The following ADNP2 variants were observed in gnomAD, a reference collection of about 807,000 sequenced individuals.
ADNP2 encodes the protein ADNP homeobox 2.
In ADNP2, 8 loss-of-function variants were observed where a neutral mutation model predicts 16.4. The observed-to-expected ratio is 0.49, with a 90% CI of 0.29 to 0.88. The LOEUF is 0.88. Ranked by LOEUF, ADNP2 falls within the 40% of genes least tolerant of loss-of-function variation. The probability of loss-of-function intolerance (pLI) is 0.09; values close to 1 mark genes in which losing one functional copy is unlikely to be tolerated. For synonymous variants in ADNP2, 637 were observed against 545.8 expected (o/e 1.17, Z -2.33); for missense variants, 1,397 against 1,395.1 (o/e 1.00, Z -0.02).
intron 2 of ADNP2, among the ~76,000 whole-genome samples, chr18:80,130,859 T>A (rs1003393213): frequency 2.0e-5 from 3 of 152,124 alleles, no homozygotes; most frequent in Admixed American, 1.3e-4. Flanking sequence ...TAGTTTCTTG[T>A]GAAAAACAAT....
At position 80,140,173 on chromosome 18, in the gene ADNP2, T is replaced by C. The variant is rs1021631412; in HGVS notation, c.*1364T>C. ...GTTACTATGTGGATTTTAAAAAATATAATACTTGCATGTAATTGCTATAAT... is the reference window on the plus strand; with the variant it reads ...GTTACTATGTGGATTTTAAAAAATACAATACTTGCATGTAATTGCTATAAT... On this transcript the variant is annotated 3_prime_UTR_variant, in exon 4 of 4. Coordinates refer to ENST00000262198, the MANE Select transcript of ADNP2 (RefSeq NM_014913.4). 6.6e-6 allele frequency: 1 copy of C among 152,376 alleles called. No individual in the cohort carries two copies. The highest frequency in any genetic ancestry group is 1.9e-4 in the East Asian group (1 of 5,200). 9.4% of individuals were successfully genotyped at this position (152,376 alleles called of 1,614,324 possible). A position where few individuals can be genotyped will look rare whatever the true frequency, so the allele number is the denominator to read the frequency against.
rs144750044 is a variant in ADNP2, at chr18:80,135,213, G to A, written c.199-399G>A. 2.5e-3 allele frequency among the ~76,000 whole-genome samples: 379 copies of A among 152,280 alleles called. 2 individuals are homozygous for A. Among genetic ancestry groups the A allele is most frequent in the African/African-American group, 8.8e-3 (365 of 41,538 alleles). On this transcript the variant is annotated intron_variant, in intron 3 of 3. Transcript: ENST00000262198. ...ATCCTATATTTGTATGAATTAGCCC[G>A]TGAGCCATGAGCTAGGAGTGGTTGT... is the stretch of plus-strand genomic sequence containing the variant.
intron 1 of ADNP2, among the ~76,000 whole-genome samples, chr18:80,117,080 C>T (rs913305177): frequency 2.6e-5 from 4 of 152,166 alleles, no homozygotes; most frequent in Non-Finnish European, 5.9e-5. Context: ...CATATAAGTT[C>T]CTTATTAGAA....
At chr18:80,130,093 A>C (rs1051095628) in intron 2 of ADNP2, among the ~76,000 whole-genome samples, 4 of 151,944 alleles carry the variant, frequency 2.6e-5, no homozygotes, top group Non-Finnish European at 5.9e-5. Context: ...ACTTCTGTGG[A>C]TCTCCTGTGA....
chr18:80,137,321 G>A lies in ADNP2; in HGVS notation c.1908G>A (p.Pro636=), dbSNP rs145421964. The change falls in exon 4 of 4, where the codon CCG becomes CCA. Residue 636 remains proline, a synonymous_variant. Transcript: ENST00000262198. This position sits in a 1 kb window ranked among gnomAD's most constrained non-coding sequence, Gnocchi z 4.2. The stretch of plus-strand genomic sequence containing the variant: ...CTGGAGGCCTTGCGACTGTCGCTCC[G>A]CCCCAGATGCCCATCCAGCTCCTGC... ...VPPGGLATVA[P]PQMPIQLLPS... The A allele has an allele frequency of 8.6e-4, 1,391 of 1,613,906 alleles. 6 individuals carry two copies. The highest frequency in any genetic ancestry group is 1.2e-3 in the Middle Eastern group (7 of 6,062).
At position 80,123,820 on chromosome 18, in the gene ADNP2, C is replaced by T. The variant is rs1354395140; in HGVS notation, c.108+6170C>T. On this transcript the variant is annotated intron_variant, in intron 2 of 3. Coordinates refer to ENST00000262198, the MANE Select transcript of ADNP2 (RefSeq NM_014913.4). Reference sequence around the variant, plus strand: ...TCTCAGCTCACTGCAACCTCCACCTCCCAGGTTCAAGCCATTCTCCTGCCT... The same window carrying T: ...TCTCAGCTCACTGCAACCTCCACCTTCCAGGTTCAAGCCATTCTCCTGCCT... Among the ~76,000 whole-genome samples the T allele has an allele frequency of 2.0e-5, 3 of 151,830 alleles. No homozygotes were observed. The East Asian group carries it at 5.9e-4, about 30-fold the overall frequency.
rs71163859 is a variant in ADNP2 at position 80,120,334 on chromosome 18, C to CTT, written c.108+2698_108+2699dup. Among the ~76,000 whole-genome samples the CTT allele has an allele frequency of 9.6e-4, 137 of 143,054 alleles. 1 individual carries two copies. The highest frequency in any genetic ancestry group is 5.6e-3 in the South Asian group (25 of 4,474). 93.8% of individuals were successfully genotyped at this position (143,054 alleles called of 152,430 possible). Reference sequence around the variant, plus strand: ...CTGGCCCTGACTGGTATATTCTTTTCTTTTTTTTTTTTTTTGAGACAGGGT... The same window carrying CTT: ...CTGGCCCTGACTGGTATATTCTTTTCTTTTTTTTTTTTTTTTTGAGACAGGGT... On this transcript the variant is annotated intron_variant, in intron 2 of 3. Transcript: ENST00000262198.
chr18:80,120,533 C>T (rs1007144840), intron 2 of ADNP2, among the ~76,000 whole-genome samples: 2 of 151,984 alleles, frequency 1.3e-5, no homozygotes, highest in African/African-American at 2.4e-5. Flanking sequence ...GTCGAGGTTT[C>T]ACCATGTTGC....
chr18:80,138,184 G>C lies in ADNP2; in HGVS notation c.2771G>C (p.Gly924Ala). Reference protein sequence around the residue: ...KCIHCCGVYTGNMTLAAIAVH... With the variant: ...KCIHCCGVYTANMTLAAIAVH... ...ATCCACTGCTGTGGGGTCTACACGG[G>C]AAATATGACCCTGGCTGCCATCGCC... Residue 924 changes from glycine (G) to alanine (A), a missense_variant, in exon 4 of 4, where the codon GGA (glycine) becomes GCA (alanine). This residue lies in a region of ADNP2 where 611 missense variants were observed against 648.7 expected (regional missense o/e 0.94). Transcript: ENST00000262198. The C allele has an allele frequency of 6.2e-7, 1 of 1,614,170 alleles. No individual in the cohort carries two copies. The highest frequency in any genetic ancestry group is 8.5e-7 in the Non-Finnish European group (1 of 1,180,046).
Position 80,136,958 on chromosome 18 carries a change from C to T in ADNP2, c.1545C>T (p.Val515=). 6.2e-7 allele frequency: 1 copy of T among 1,613,840 alleles called. No homozygotes were observed. Among genetic ancestry groups the T allele is most frequent in the Non-Finnish European group, 8.5e-7 (1 of 1,179,832 alleles). The change falls in exon 4 of 4, where the codon GTC becomes GTT. Residue 515 remains valine (V), a synonymous_variant. Transcript: ENST00000262198. ...GGGTTATCTCTGCAGGCCAGGTGGT[C>T]CCGTCTGGGCTTCTTTCTCCCAACC... ...PLRVISAGQV[V]PSGLLSPNQT...
In ADNP2 at chr18:80,110,225, T is replaced by C. The variant is rs1247436071; in HGVS notation, c.-14+753T>C. 1.3e-5 allele frequency among the ~76,000 whole-genome samples: 2 copies of C among 152,242 alleles called. 1 individual carries two copies. Among genetic ancestry groups the C allele is most frequent in the Non-Finnish European group, 2.9e-5 (2 of 68,050 alleles). On this transcript the variant is annotated intron_variant, in intron 1 of 3. Coordinates refer to ENST00000262198, the MANE Select transcript of ADNP2 (RefSeq NM_014913.4). ...TTGAAATAGATTCCGTTTACAAAAT[T>C]TCTACTACAGTTGACTTTGGAATGT...
Position 80,136,379 on chromosome 18 carries a change from C to T in ADNP2, c.966C>T (p.Ser322=), listed in dbSNP as rs2052534417. ...AQGAPGSLTH[S]PPAAGQSHMT... The stretch of plus-strand genomic sequence containing the variant: ...GTGCCCCTGGAAGCCTCACTCATTC[C>T]CCCCCTGCTGCTGGCCAATCCCACA... Residue 322 remains serine, a synonymous_variant, in exon 4 of 4, where the codon TCC becomes TCT. Coordinates refer to ENST00000262198, the MANE Select transcript of ADNP2 (RefSeq NM_014913.4). 6.2e-7 allele frequency: 1 copy of T among 1,614,210 alleles called. No individual in the cohort carries two copies. Among genetic ancestry groups the T allele is most frequent in the South Asian group, 1.1e-5 (1 of 91,090 alleles).
intron 2 of ADNP2, among the ~76,000 whole-genome samples, chr18:80,124,586 C>G (rs1195988308): frequency 1.3e-5 from 2 of 152,136 alleles, no homozygotes; most frequent in East Asian, 3.8e-4. Context: ...ATCCAGAAGA[C>G]CACCAAACCC....
intron 2 of ADNP2, among the ~76,000 whole-genome samples, chr18:80,129,234 G>C (rs1410220192): frequency 6.6e-6 from 1 of 151,248 alleles, no homozygotes; most frequent in East Asian, 1.9e-4. Flanking sequence ...CTCCCATGTA[G>C]CTGGGATTAC....
chr18:80,121,461 A>G (rs1031370996), intron 2 of ADNP2, among the ~76,000 whole-genome samples: 2 of 152,132 alleles, frequency 1.3e-5, no homozygotes, highest in African/African-American at 4.8e-5. Context: ...CAAATACGTG[A>G]TTTGCATATA....
chr18:80,116,737 G>T (rs1292260214), intron 1 of ADNP2, among the ~76,000 whole-genome samples: 1 of 152,162 alleles, frequency 6.6e-6, no homozygotes, highest in Non-Finnish European at 1.5e-5. Context: ...CTGGGCTCGG[G>T]TGATCCCCTC....
chr18:80,140,327 A>AT lies in ADNP2; in HGVS notation c.*1521dup, dbSNP rs746948989. 4.1e-4 allele frequency: 62 copies of AT among 152,532 alleles called. No homozygotes were observed. The highest frequency in any genetic ancestry group is 7.9e-4 in the Non-Finnish European group (54 of 68,016). The allele number at this position is 152,532 out of a possible 1,614,324, so 9.4% of individuals were successfully genotyped here. ...TTCAGAGTGTCTATTTTGAATTAAA[A>AT]TTTGTTACACCGCTGCAAATAGAAC... is the stretch of plus-strand genomic sequence containing the variant. On this transcript the variant is annotated 3_prime_UTR_variant, in exon 4 of 4. Coordinates refer to ENST00000262198, the MANE Select transcript of ADNP2 (RefSeq NM_014913.4).
intron 3 of ADNP2, among the ~76,000 whole-genome samples, chr18:80,134,001 C>CATTTTT (rs1172191211): frequency 1.3e-5 from 2 of 151,980 alleles, no homozygotes; most frequent in Non-Finnish European, 2.9e-5. Context: ...CCCAGATAAG[C>CATTTTT]ATTTTTATTT....
Position 80,138,507 on chromosome 18 carries a change from A to G in ADNP2, c.3094A>G (p.Lys1032Glu). Residue 1032 changes from lysine to glutamate, a missense_variant, in exon 4 of 4, where the codon AAG becomes GAG. Lys to Glu is a moderately conservative substitution (Grantham distance 56). This residue lies in a region of ADNP2 where 611 missense variants were observed against 648.7 expected (regional missense o/e 0.94). Coordinates refer to ENST00000262198, the MANE Select transcript of ADNP2 (RefSeq NM_014913.4). ...AAGCAGAACAGAGGGACCTATTGTC[A>G]AGGACGAGGCTCTTCAGATTTTAGC... Reference protein sequence around the residue: ...NESRTEGPIVKDEALQILALD... With the variant: ...NESRTEGPIVEDEALQILALD... 1.2e-6 allele frequency: 2 copies of G among 1,614,188 alleles called. No individual in the cohort carries two copies. Among genetic ancestry groups the G allele is most frequent in the Non-Finnish European group, 1.7e-6 (2 of 1,180,044 alleles).
Sources: allele counts gnomAD v4.1 joint callset (sites outside exome capture counted in the v4.1 genomes callset), GRCh38; gene constraint gnomAD v4.1.1; regional missense constraint gnomAD v4.1.1; non-coding constraint Gnocchi (gnomAD v3.1); transcripts MANE v1.5; gene names NCBI Gene and HGNC (gene_info 2026-07-23, HGNC 2026-07-21).